BIRC6: variants seen among roughly 807,000 people sequenced by gnomAD.
BIRC6 encodes the protein baculoviral IAP repeat containing 6, also known as dual E2 ubiquitin-conjugating enzyme/E3 ubiquitin-protein ligase BIRC6.
BIRC6 carries 98 observed loss-of-function variants against 503.3 expected under a neutral mutation model. That is an observed-to-expected ratio of 0.19 (90% CI 0.17 to 0.23). The LOEUF (loss-of-function observed/expected upper bound fraction) is 0.23. BIRC6 is among the 10% of genes least tolerant of loss of function. The probability of loss-of-function intolerance (pLI) is 1.00; values close to 1 mark genes in which losing one functional copy is unlikely to be tolerated. For missense variants in BIRC6, 5,360 were observed against 5,806.0 expected, an observed-to-expected ratio of 0.92 and a Z score of 2.50; for synonymous variants, 2,240 against 2,078.7, an observed-to-expected ratio of 1.08 and a Z score of -2.11.
Position 32,381,523 on chromosome 2 carries a change from A to G in BIRC6, c.645+1233A>G, listed in dbSNP as rs139731299. On this transcript the variant is annotated intron_variant, in intron 3 of 73. Transcript: ENST00000421745. ...CTAGAGTGCTGGGATTACAGGTGTG[A>G]ACCACTGCACCTGGCTCTTTTTTTT... Among the ~76,000 whole-genome samples the G allele has an allele frequency of 1.0e-3, 155 of 149,274 alleles. 1 individual carries two copies. The highest frequency in any genetic ancestry group is 3.7e-3 in the African/African-American group (152 of 40,726).
intron 66 of BIRC6, among the ~76,000 whole-genome samples, chr2:32,588,443 C>T (rs536787181): frequency 1.3e-5 from 2 of 152,208 alleles, no homozygotes; most frequent in South Asian, 4.1e-4. Flanking sequence ...GATTTGGTAT[C>T]CACTTTCGTA....
At chr2:32,512,735 GA>G (rs2054572265) in intron 53 of BIRC6, among the ~76,000 whole-genome samples, 197 bp from the exon 54 acceptor site, 2 of 152,106 alleles carry the variant, frequency 1.3e-5, no homozygotes, top group Non-Finnish European at 2.9e-5. Context: ...AAGGTTATTG[GA>G]AAATTGGAAC....
Position 32,490,171 on chromosome 2 carries a change from C to T in BIRC6, c.8206+20C>T. 6.5e-7 allele frequency: 1 copy of T among 1,526,748 alleles called. No individual in the cohort carries two copies. The highest frequency in any genetic ancestry group is 9.1e-7 in the Non-Finnish European group (1 of 1,100,832). 94.6% of individuals were successfully genotyped at this position (1,526,748 alleles called of 1,614,324 possible). ...TTAATTGTAAGTTCATAAATTTATT[C>T]ATTTAAATCTCTGACATATACTTTA... On this transcript the variant is annotated intron_variant, in intron 43 of 73. Transcript: ENST00000421745.
At chr2:32,358,210 C>A (rs1573599221) in intron 1 of BIRC6, among the ~76,000 whole-genome samples, 2 of 152,328 alleles carry the variant, frequency 1.3e-5, no homozygotes. Context: ...AAAGTCAGGA[C>A]CTGTGGTGTA....
At chr2:32,479,015 G>A (rs569745801) in intron 36 of BIRC6, among the ~76,000 whole-genome samples, 197 bp downstream of exon 36, 3 of 152,264 alleles carry the variant, frequency 2.0e-5, no homozygotes, top group East Asian at 1.9e-4. Flanking sequence ...TGATAGTCGC[G>A]ATAAATGCAA....
At chr2:32,451,238 A>G (rs1398675824) in intron 22 of BIRC6, among the ~76,000 whole-genome samples, 4 of 152,230 alleles carry the variant, frequency 2.6e-5, no homozygotes, top group Non-Finnish European at 5.9e-5. Flanking sequence ...AATACAGCAT[A>G]TAAAATCCTA....
At chr2:32,507,138 T>G (rs2149546445) in intron 50 of BIRC6, among the ~76,000 whole-genome samples, 1 of 152,138 alleles carries the variant, frequency 6.6e-6, no homozygotes, top group Middle Eastern at 3.4e-3. Flanking sequence ...TTGGTTTAAT[T>G]TGAAAAGGAG....
At chr2:32,492,263 G>T (rs2051826451) in intron 44 of BIRC6, among the ~76,000 whole-genome samples, 1 of 152,030 alleles carries the variant, frequency 6.6e-6, no homozygotes, top group African/African-American at 2.4e-5. Flanking sequence ...TCAGTGTTTA[G>T]GAGGCTTCTG....
chr2:32,559,275 C>T (rs370423644), intron 65 of BIRC6, among the ~76,000 whole-genome samples: 1 of 152,182 alleles, frequency 6.6e-6, no homozygotes, highest in South Asian at 2.1e-4. Context: ...CTTCACTTGC[C>T]TGGTTGTAAG....
intron 59 of BIRC6, chr2:32,526,523 T>A (rs987497753): frequency 3.9e-5 from 6 of 152,226 alleles, no homozygotes; most frequent in African/African-American, 9.6e-5. Flanking sequence ...AATGTAAGTG[T>A]GAAATGTCTT....
chr2:32,471,391 C>G (rs564849881), intron 32 of BIRC6, among the ~76,000 whole-genome samples: 1 of 152,218 alleles, frequency 6.6e-6, no homozygotes, highest in Non-Finnish European at 1.5e-5. Flanking sequence ...AGGTGTCTTC[C>G]CTCAGGCTTG....
chr2:32,391,547 C>G (rs145565814), intron 4 of BIRC6, among the ~76,000 whole-genome samples: 1 of 152,272 alleles, frequency 6.6e-6, no homozygotes, highest in African/African-American at 2.4e-5. Flanking sequence ...AAATCATGTG[C>G]TAATTTAAGG....
intron 20 of BIRC6, among the ~76,000 whole-genome samples, chr2:32,445,201 G>A (rs2045828497): frequency 6.6e-6 from 1 of 152,166 alleles, no homozygotes; most frequent in African/African-American, 2.4e-5. Context: ...ATTTCGAAGT[G>A]TCCCTCAGAG....
chr2:32,500,855 T>TG (rs2053101697), intron 46 of BIRC6, among the ~76,000 whole-genome samples: 1 of 152,016 alleles, frequency 6.6e-6, no homozygotes, highest in Non-Finnish European at 1.5e-5. Flanking sequence ...TCTGCCCACC[T>TG]CAGCCTCCGA....
At chr2:32,538,188 C>T (rs1390602226) in intron 61 of BIRC6, among the ~76,000 whole-genome samples, 2 of 151,848 alleles carry the variant, frequency 1.3e-5, no homozygotes, top group African/African-American at 2.4e-5. Context: ...TTGATTCTTC[C>T]CTACTGGCTG....
At chr2:32,497,075 T>C (rs567837012) in intron 45 of BIRC6, among the ~76,000 whole-genome samples, 1 of 152,360 alleles carries the variant, frequency 6.6e-6, no homozygotes, top group South Asian at 2.1e-4. Context: ...GCTAAGACCT[T>C]AAAAAAATTA....
intron 45 of BIRC6, 53 bp from the exon 46 acceptor site, chr2:32,499,491 CTTG>C (rs1026507177): frequency 5.7e-6 from 8 of 1,397,420 alleles, no homozygotes; most frequent in Non-Finnish European, 7.6e-6. Flanking sequence ...AATCCTTTCT[CTTG>C]TTGTATCTCT....
Position 32,442,149 on chromosome 2 carries a change from G to C in BIRC6, c.4029G>C (p.Gln1343His). 1 of 1,610,756 alleles carries C rather than the reference G, an allele frequency of 6.2e-7. No individual in the cohort carries two copies. Among genetic ancestry groups the C allele is most frequent in the Non-Finnish European group, 8.5e-7 (1 of 1,179,050 alleles). Reference protein sequence around the residue: ...NTLCRKTDDGQITEHAQSLVL... With the variant: ...NTLCRKTDDGHITEHAQSLVL... ...TTTGCAGAAAAACAGATGATGGCCAGATCACAGAACATGCCCAGAGCCTTG... is the reference window on the plus strand; with the variant it reads ...TTTGCAGAAAAACAGATGATGGCCACATCACAGAACATGCCCAGAGCCTTG... Residue 1343 changes from glutamine to histidine, a missense_variant, in exon 18 of 74, where the codon CAG becomes CAC. Coordinates refer to ENST00000421745, the MANE Select transcript of BIRC6 (RefSeq NM_016252.4).
chr2:32,562,980 T>A (rs2059299867), intron 65 of BIRC6, among the ~76,000 whole-genome samples: 3 of 152,264 alleles, frequency 2.0e-5, no homozygotes, highest in Non-Finnish European at 4.4e-5. Context: ...TTGTCTTAAT[T>A]GTCGCAGCAT....
Sources: gnomAD v4.1 joint callset for allele counts (sites outside exome capture counted in the v4.1 genomes callset) on GRCh38, gnomAD v4.1.1 for gene constraint, MANE v1.5 for transcripts, NCBI Gene and HGNC (gene_info 2026-07-23, HGNC 2026-07-21) for gene names.